The following RBM26 variants were observed in gnomAD, a reference collection of about 807,000 sequenced individuals.
The protein encoded by RBM26 is RNA-binding protein 26.
In RBM26, 30 loss-of-function variants were observed where a neutral mutation model predicts 123.6. The observed-to-expected ratio is 0.24, with a 90% CI of 0.18 to 0.33. The LOEUF (loss-of-function observed/expected upper bound fraction) is 0.33. Among genes scored for constraint, RBM26 ranks in the 10% least tolerant of loss-of-function variants. The pLI is 1.00. For synonymous variants in RBM26, 400 were observed against 404.4 expected, an observed-to-expected ratio of 0.99 and a Z score of 0.13; for missense variants, 947 against 1,203.6, an observed-to-expected ratio of 0.79 and a Z score of 3.15.
At chr13:79,328,683 TAAAAAAAAAAAA>T (rs747906560) in intron 20 of RBM26, among the ~76,000 whole-genome samples, 2 of 38,480 alleles carry the variant, frequency 5.2e-5, no homozygotes, top group African/African-American at 2.2e-4. Flanking sequence ...CTGCATTAAG[TAAAAAAAAAAAA>T]AAAAAAAAAA....
intron 3 of RBM26, chr13:79,377,021 C>G (rs2076718037): frequency 5.5e-6 from 1 of 180,354 alleles, no homozygotes; most frequent in African/African-American, 2.4e-5. Context: ...AATAAGAACG[C>G]AGGGCAGAGT....
chr13:79,350,412 T>A (rs1460608836), intron 14 of RBM26, among the ~76,000 whole-genome samples: 3 of 152,218 alleles, frequency 2.0e-5, no homozygotes, highest in Non-Finnish European at 4.4e-5. Flanking sequence ...CAGGACAGTA[T>A]ACACAGATGT....
intron 1 of RBM26, among the ~76,000 whole-genome samples, chr13:79,380,595 G>C (rs979969036): frequency 2.0e-5 from 3 of 151,766 alleles, no homozygotes; most frequent in African/African-American, 7.3e-5. Context: ...AGGGTAATTA[G>C]CCTATCTATC....
chr13:79,339,272 T>C (rs2070971085), intron 18 of RBM26, among the ~76,000 whole-genome samples: 1 of 152,056 alleles, frequency 6.6e-6, no homozygotes, highest in South Asian at 2.1e-4. Flanking sequence ...ACAGGAAGAA[T>C]GGAGAGATGT....
chr13:79,356,735 T>C (rs954098477), intron 11 of RBM26, among the ~76,000 whole-genome samples: 3 of 152,184 alleles, frequency 2.0e-5, no homozygotes, highest in African/African-American at 7.2e-5. Context: ...TTGAAAAACA[T>C]GTTTTAAGAA....
intron 20 of RBM26, among the ~76,000 whole-genome samples, chr13:79,329,552 T>C (rs2068968536): frequency 6.6e-6 from 1 of 152,066 alleles, no homozygotes; most frequent in African/African-American, 2.4e-5. Flanking sequence ...CACCTTCTCA[T>C]ACCAGAAGGA....
downstream of RBM26, among the ~76,000 whole-genome samples, chr13:79,315,205 T>C (rs1035368709): frequency 6.6e-6 from 1 of 151,680 alleles, no homozygotes; most frequent in African/African-American, 2.4e-5. Context: ...CCTTCAAACA[T>C]TAGGCTGCAA....
chr13:79,402,947 G>A (rs567050751), intron 1 of RBM26, among the ~76,000 whole-genome samples: 1 of 152,274 alleles, frequency 6.6e-6, no homozygotes, highest in Non-Finnish European at 1.5e-5. Flanking sequence ...CATTCAAAAT[G>A]TGGAGTAAGT....
chr13:79,319,247 GAAAGTAATTTTTTA>G lies in RBM26; in HGVS notation c.*1360_*1373del. Reference sequence around the variant, plus strand: ...TGATTGTGAGGACCCCAATATGGAAGAAAGTAATTTTTTAAATGTGATTTTTTAATATTATCACT... The same window carrying G: ...TGATTGTGAGGACCCCAATATGGAAGAATGTGATTTTTTAATATTATCACT... On this transcript the variant is annotated 3_prime_UTR_variant, in exon 22 of 22. Coordinates refer to ENST00000438737, the MANE Select transcript of RBM26 (RefSeq NM_001366735.2). 3.0e-6 allele frequency: 3 copies of G among 983,954 alleles called. No homozygotes were observed. The highest frequency in any genetic ancestry group is 3.6e-6 in the Non-Finnish European group (3 of 828,846). The allele number at this position is 983,954 out of a possible 1,614,324, so 61.0% of individuals were successfully genotyped here.
chr13:79,338,351 A>ATT (rs145393268), intron 18 of RBM26, among the ~76,000 whole-genome samples: 2 of 151,546 alleles, frequency 1.3e-5, no homozygotes, highest in African/African-American at 2.4e-5. Context: ...CCCTCAAGAT[A>ATT]TTTTTTTTTC....
intron 1 of RBM26, among the ~76,000 whole-genome samples, chr13:79,384,042 G>C (rs1332775661): frequency 6.6e-6 from 1 of 152,170 alleles, no homozygotes; most frequent in Non-Finnish European, 1.5e-5. Context: ...GGAGTCCAGT[G>C]AAATGGAGCA....
chr13:79,355,418 C>T, intron 11 of RBM26, 34 bp from the exon 12 acceptor site: 1 of 1,566,098 alleles, frequency 6.4e-7, no homozygotes, highest in Non-Finnish European at 8.7e-7. Context: ...AGTGAATTTC[C>T]AAAGGAATCT....
At chr13:79,371,958 C>A (rs2140054875) in intron 3 of RBM26, 28 bp from the exon 4 acceptor site, 17 of 1,458,956 alleles carry the variant, frequency 1.2e-5, no homozygotes, top group Non-Finnish European at 1.5e-5. Context: ...AAAAAGTGTA[C>A]AAGTTTAGTA....
At chr13:79,382,497 A>G (rs1479373407) in intron 1 of RBM26, among the ~76,000 whole-genome samples, 1 of 152,160 alleles carries the variant, frequency 6.6e-6, no homozygotes, top group Non-Finnish European at 1.5e-5. Context: ...ATCTGCCAAT[A>G]AAGTATGATT....
At chr13:79,328,682 G>GAA (rs2068807194) in intron 20 of RBM26, among the ~76,000 whole-genome samples, 1 of 27,350 alleles carries the variant, frequency 3.7e-5, no homozygotes, top group Non-Finnish European at 7.4e-5. Flanking sequence ...CCTGCATTAA[G>GAA]TAAAAAAAAA....
At chr13:79,323,177 T>C (rs1354735689) in intron 20 of RBM26, among the ~76,000 whole-genome samples, 1 of 151,486 alleles carries the variant, frequency 6.6e-6, no homozygotes, top group African/African-American at 2.4e-5. Context: ...AAGTGGCTGG[T>C]TTGGAAACTG....
At chr13:79,335,886 G>C (rs902843253) in intron 19 of RBM26, among the ~76,000 whole-genome samples, 1 of 152,032 alleles carries the variant, frequency 6.6e-6, no homozygotes, top group African/African-American at 2.4e-5. Flanking sequence ...TGTGGAAGTG[G>C]GGTACACAGC....
At chr13:79,358,467 A>T in intron 10 of RBM26, 34 bp from the exon 11 acceptor site, 1 of 1,568,542 alleles carries the variant, frequency 6.4e-7, no homozygotes, top group Non-Finnish European at 8.7e-7. Flanking sequence ...CAATACATTT[A>T]TAAATCCTGA....
intron 1 of RBM26, among the ~76,000 whole-genome samples, chr13:79,387,055 T>C (rs985117107): frequency 6.6e-6 from 1 of 152,146 alleles, no homozygotes; most frequent in African/African-American, 2.4e-5. Context: ...CAAAATTTTC[T>C]GATACGGTTA....
Sources: gnomAD v4.1 joint callset for allele counts (sites outside exome capture counted in the v4.1 genomes callset) on GRCh38, gnomAD v4.1.1 for gene constraint, MANE v1.5 for transcripts, NCBI Gene and HGNC (gene_info 2026-07-23, HGNC 2026-07-21) for gene names.